P2RY8: variants seen among roughly 807,000 people sequenced by gnomAD.
P2RY8 encodes the protein P2Y receptor family member 8.
In P2RY8, 6 loss-of-function variants were observed where a neutral mutation model predicts 10.0. That is an observed-to-expected ratio of 0.60 (90% confidence interval 0.33 to 1.19). The LOEUF (loss-of-function observed/expected upper bound fraction) is 1.19. Ranked by LOEUF, P2RY8 falls within the 50% of genes most tolerant of loss-of-function variation. The pLI, the probability that P2RY8 is intolerant of heterozygous loss-of-function variation, is 0.04. For missense variants in P2RY8, 456 were observed against 542.0 expected (o/e 0.84, Z 1.58); for synonymous variants, 276 against 252.5 (o/e 1.09, Z -0.88).
chrX:1,507,140 C>T (rs1417957683), intron 1 of P2RY8, among the ~76,000 whole-genome samples: 6 of 150,048 alleles, frequency 4.0e-5, no homozygotes, highest in South Asian at 4.2e-4. Flanking sequence ...CCCAAAGTTC[C>T]GTGGTCTACT....
chrX:1,504,072 C>G (rs1357495319), intron 1 of P2RY8, among the ~76,000 whole-genome samples: 2 of 151,898 alleles, frequency 1.3e-5, no homozygotes, highest in African/African-American at 4.8e-5. Flanking sequence ...AATCCCAGCA[C>G]TTTGGGAGGC....
intron 1 of P2RY8, among the ~76,000 whole-genome samples, chrX:1,496,691 TTTTC>T (rs1303538248): frequency 4.8e-4 from 72 of 151,014 alleles, no homozygotes; most frequent in Middle Eastern, 3.4e-3. Context: ...TGGGAGTTTT[TTTTC>T]TTTCTTTCTT....
rs1375074576 is a variant in P2RY8 at position 1,465,131 on chromosome X, G to A, written c.*348C>T. On this transcript the variant is annotated 3_prime_UTR_variant, in exon 2 of 2. Transcript: ENST00000381297. ...TGAGGAGTGTCTAAGGAGCTCGGGGGTGACAGCCCAGCTCTACTAAAAAAA... is the reference window on the plus strand; with the variant it reads ...TGAGGAGTGTCTAAGGAGCTCGGGGATGACAGCCCAGCTCTACTAAAAAAA... 2 of 383,864 alleles carry A rather than the reference G, an allele frequency of 5.2e-6. No individual in the cohort carries two copies. The highest frequency in any genetic ancestry group is 4.2e-5 in the East Asian group (1 of 23,686). 23.8% of individuals were successfully genotyped at this position (383,864 alleles called of 1,614,324 possible). A position where few individuals can be genotyped will look rare whatever the true frequency, so the allele number is the denominator to read the frequency against.
chrX:1,505,428 G>C (rs1246085474), intron 1 of P2RY8, among the ~76,000 whole-genome samples: 7 of 152,208 alleles, frequency 4.6e-5, no homozygotes, highest in Admixed American at 4.6e-4. Flanking sequence ...CTGAAAAATG[G>C]AACCACTCCA....
At chrX:1,524,097 G>A (rs1394312873) in intron 1 of P2RY8, among the ~76,000 whole-genome samples, 124 of 152,172 alleles carry the variant, frequency 8.1e-4, no homozygotes, top group Non-Finnish European at 1.4e-3. Context: ...GTGTCTACAC[G>A]TCTCCCCGTA....
chrX:1,524,514 C>T (rs1427434439), intron 1 of P2RY8, among the ~76,000 whole-genome samples: 3 of 146,720 alleles, frequency 2.0e-5, no homozygotes, highest in Non-Finnish European at 1.5e-5. Context: ...TCCATCCATC[C>T]ATCCATCCAT....
intron 1 of P2RY8, among the ~76,000 whole-genome samples, chrX:1,531,699 A>C (rs1482483465): frequency 6.6e-6 from 1 of 152,056 alleles, no homozygotes; most frequent in Non-Finnish European, 1.5e-5. Context: ...TGCTTCCACA[A>C]AGTCCCTCTG....
At chrX:1,505,987 CTTTTTTTTTTT>C (rs542485545) in intron 1 of P2RY8, among the ~76,000 whole-genome samples, 4 of 108,836 alleles carry the variant, frequency 3.7e-5, no homozygotes, top group Admixed American at 9.9e-5. Flanking sequence ...TTTCTTTCTT[CTTTTTTTTTTT>C]TTTTTTTTTT....
chrX:1,472,332 G>T (rs2091798034), intron 1 of P2RY8, among the ~76,000 whole-genome samples: 1 of 151,802 alleles, frequency 6.6e-6, no homozygotes, highest in African/African-American at 2.4e-5. Flanking sequence ...AGACAGAGAC[G>T]AGAGTGGATG....
At chrX:1,515,134 C>T (rs2092336038) in intron 1 of P2RY8, among the ~76,000 whole-genome samples, 1 of 150,380 alleles carries the variant, frequency 6.6e-6, no homozygotes, top group Non-Finnish European at 1.5e-5. Context: ...TGGTCTCGAA[C>T]TCCTAACCTC....
intron 1 of P2RY8, among the ~76,000 whole-genome samples, chrX:1,516,341 C>G (rs568830276): frequency 1.4e-3 from 211 of 152,220 alleles, no homozygotes; most frequent in African/African-American, 4.8e-3. Context: ...TGTGGGGACA[C>G]AGGGAGAAGA....
chrX:1,512,511 C>CAACTAT (rs2149404194), intron 1 of P2RY8, among the ~76,000 whole-genome samples: 1 of 140,532 alleles, frequency 7.1e-6, no homozygotes, highest in South Asian at 2.3e-4. Flanking sequence ...CATGCCATTG[C>CAACTAT]ACTCCAGCCT....
At chrX:1,499,845 GTTTTGTT>G (rs1317556289) in intron 1 of P2RY8, among the ~76,000 whole-genome samples, 115 of 100,238 alleles carry the variant, frequency 1.1e-3, no homozygotes, top group African/African-American at 3.8e-3. Flanking sequence ...CTGTTTTTTT[GTTTTGTT>G]TTGTTTTGTT....
intron 1 of P2RY8, among the ~76,000 whole-genome samples, chrX:1,502,190 C>T (rs190846525): frequency 3.3e-5 from 5 of 152,236 alleles, no homozygotes; most frequent in African/African-American, 4.8e-5. Context: ...GGATGACAGA[C>T]GTGAGCCACC....
intron 1 of P2RY8, among the ~76,000 whole-genome samples, chrX:1,511,112 A>C (rs1193207946): frequency 6.8e-6 from 1 of 147,624 alleles, no homozygotes; most frequent in African/African-American, 2.5e-5. Flanking sequence ...GCTGGAAGGC[A>C]GAGGTTGCAG....
chrX:1,491,958 A>C (rs1329942080), intron 1 of P2RY8, among the ~76,000 whole-genome samples: 1 of 152,222 alleles, frequency 6.6e-6, no homozygotes. Flanking sequence ...AGAAGGCGGC[A>C]GGGGCAGTGT....
chrX:1,501,315 C>G (rs1329457967), intron 1 of P2RY8, among the ~76,000 whole-genome samples: 1 of 152,162 alleles, frequency 6.6e-6, no homozygotes, highest in Non-Finnish European at 1.5e-5. Flanking sequence ...GACTTTTGGC[C>G]TGTGTTTGAC....
At chrX:1,534,788 G>A (rs779914204) in intron 1 of P2RY8, among the ~76,000 whole-genome samples, 40 of 152,154 alleles carry the variant, frequency 2.6e-4, no homozygotes, top group African/African-American at 9.6e-4. Context: ...CTACCCTGCT[G>A]TTGTTAATCC....
At chrX:1,473,736 G>GATGAGTGGGTGGATGGGTGGA (rs2091832473) in intron 1 of P2RY8, among the ~76,000 whole-genome samples, 1 of 40,166 alleles carries the variant, frequency 2.5e-5, no homozygotes, top group Non-Finnish European at 5.4e-5. Flanking sequence ...GGATGGGTGG[G>GATGAGTGGGTGGATGGGTGGA]TGGATGGATG....
Sources: allele counts gnomAD v4.1 joint callset (sites outside exome capture counted in the v4.1 genomes callset), GRCh38; gene constraint gnomAD v4.1.1; transcripts MANE v1.5; gene names NCBI Gene and HGNC (gene_info 2026-07-23, HGNC 2026-07-21).